The following ANKS1B variants were observed in gnomAD, a reference collection of about 807,000 sequenced individuals.
ANKS1B encodes the protein ankyrin repeat and sterile alpha motif domain containing 1B.
Under a neutral mutation model 148.3 loss-of-function variants are expected in ANKS1B, and 36 were observed. The ratio of observed to expected loss-of-function variants is 0.24; its 90% CI spans 0.19 to 0.32. ANKS1B has a LOEUF of 0.32. ANKS1B is among the 10% of genes least tolerant of loss of function. The pLI is 1.00. For missense variants in ANKS1B, 1,157 were observed against 1,542.6 expected (o/e 0.75, Z 4.19); for synonymous variants, 542 against 560.8 (o/e 0.97, Z 0.47).
chr12:99,334,322 A>AT (rs2088305323), intron 12 of ANKS1B, among the ~76,000 whole-genome samples: 1 of 152,082 alleles, frequency 6.6e-6, no homozygotes, highest in African/African-American at 2.4e-5. Flanking sequence ...CTCGAGAATG[A>AT]TTAGAAACAT....
chr12:98,997,007 T>C (rs2099930090), intron 17 of ANKS1B, among the ~76,000 whole-genome samples: 1 of 152,008 alleles, frequency 6.6e-6, no homozygotes, highest in Non-Finnish European at 1.5e-5. Context: ...AGATTATAGA[T>C]TTACTGATTG....
At chr12:98,769,665 T>C (rs1234828599) in intron 25 of ANKS1B, among the ~76,000 whole-genome samples, 1 of 152,180 alleles carries the variant, frequency 6.6e-6, no homozygotes, top group South Asian at 2.1e-4. Flanking sequence ...CACACACGTA[T>C]AGCTAATAAA....
At chr12:99,892,847 G>T (rs1394376518) in intron 1 of ANKS1B, among the ~76,000 whole-genome samples, 1 of 152,180 alleles carries the variant, frequency 6.6e-6, no homozygotes, top group Admixed American at 6.5e-5. Context: ...ATAAGTAAAA[G>T]TCTACAGATT....
At chr12:99,826,888 T>G (rs1171380565) in intron 1 of ANKS1B, among the ~76,000 whole-genome samples, 7 of 145,746 alleles carry the variant, frequency 4.8e-5, no homozygotes, top group Admixed American at 2.1e-4. Context: ...AGGAGGGAGG[T>G]TCACTTAAGC....
intron 15 of ANKS1B, among the ~76,000 whole-genome samples, chr12:99,134,832 G>T (rs940750362): frequency 1.3e-4 from 20 of 151,768 alleles, no homozygotes; most frequent in African/African-American, 4.8e-4. Flanking sequence ...ATCATTATAG[G>T]GACATTCTGC....
At position 99,621,459 on chromosome 12, in the gene ANKS1B, T is replaced by A. The variant is rs144897685; in HGVS notation, c.1272+33608A>T. Among the ~76,000 whole-genome samples the A allele has an allele frequency of 3.9e-3, 511 of 131,686 alleles. 3 individuals carry two copies. Among genetic ancestry groups the A allele is most frequent in the African/African-American group, 0.014 (489 of 33,942 alleles). The allele number at this position is 131,686 out of a possible 152,430, so 86.4% of individuals were successfully genotyped here. ...CACTTAAAATCACAGAGAGGCAAAT[T>A]GGAAAAAAAAAAAAAAAACAAGACC... On this transcript the variant is annotated intron_variant, in intron 9 of 26. Coordinates refer to ENST00000683438, the MANE Select transcript of ANKS1B (RefSeq NM_001352186.2).
intron 17 of ANKS1B, among the ~76,000 whole-genome samples, chr12:99,006,136 T>C (rs1228936742): frequency 6.6e-6 from 1 of 152,216 alleles, no homozygotes; most frequent in Non-Finnish European, 1.5e-5. Flanking sequence ...TCAGATAGGC[T>C]GCATGGGGCT....
At chr12:99,768,779 T>C (rs901295070) in intron 8 of ANKS1B, among the ~76,000 whole-genome samples, 1 of 148,700 alleles carries the variant, frequency 6.7e-6, no homozygotes, top group South Asian at 2.1e-4. Flanking sequence ...TGAGCCGAGA[T>C]TGTACCACTG....
At chr12:99,438,285 C>A (rs796675318) in intron 11 of ANKS1B, among the ~76,000 whole-genome samples, 1 of 151,804 alleles carries the variant, frequency 6.6e-6, no homozygotes, top group South Asian at 2.1e-4. Flanking sequence ...TAATTATCCT[C>A]CTTTAGTGTA....
At chr12:99,188,139 A>ATATACTTTTT (rs2080128268) in intron 14 of ANKS1B, among the ~76,000 whole-genome samples, 1 of 152,238 alleles carries the variant, frequency 6.6e-6, no homozygotes, top group Non-Finnish European at 1.5e-5. Context: ...CAACAAAAAG[A>ATATACTTTTT]GCTAACTATT....
At chr12:99,762,373 C>T (rs2153609278) in intron 8 of ANKS1B, among the ~76,000 whole-genome samples, 1 of 151,636 alleles carries the variant, frequency 6.6e-6, no homozygotes, top group East Asian at 2.1e-4. Context: ...GAATAGAGAA[C>T]TCAGAAATAA....
chr12:99,327,075 T>G (rs1463944022), intron 12 of ANKS1B, among the ~76,000 whole-genome samples: 1 of 132,704 alleles, frequency 7.5e-6, no homozygotes, highest in Admixed American at 8.7e-5. Context: ...ATATATAATA[T>G]ATTAATGTTA....
chr12:99,138,209 G>C (rs1411832309), intron 15 of ANKS1B, among the ~76,000 whole-genome samples: 1 of 152,176 alleles, frequency 6.6e-6, no homozygotes, highest in East Asian at 1.9e-4. Context: ...TTTCTTGGCA[G>C]TGGTCATTAT....
At chr12:98,978,174 T>C (rs2099900926) in intron 17 of ANKS1B, among the ~76,000 whole-genome samples, 1 of 152,202 alleles carries the variant, frequency 6.6e-6, no homozygotes, top group South Asian at 2.1e-4. Flanking sequence ...GTTGATATGG[T>C]TGAATTTATG....
intron 9 of ANKS1B, among the ~76,000 whole-genome samples, chr12:99,628,033 A>T (rs1037850310): frequency 1.3e-5 from 2 of 152,144 alleles, no homozygotes; most frequent in African/African-American, 4.8e-5. Context: ...TCGTTGTATC[A>T]GCATCACTGA....
chr12:99,856,796 C>T (rs1291417126), intron 1 of ANKS1B, among the ~76,000 whole-genome samples: 1 of 152,122 alleles, frequency 6.6e-6, no homozygotes, highest in Non-Finnish European at 1.5e-5. Context: ...ATGATCATCT[C>T]AATAGACACA....
At chr12:99,048,119 A>G (rs1598971423) in intron 17 of ANKS1B, among the ~76,000 whole-genome samples, 1 of 152,320 alleles carries the variant, frequency 6.6e-6, no homozygotes, top group Non-Finnish European at 1.5e-5. Context: ...GGCTCTGAAG[A>G]TCCAGGCCAT....
At chr12:98,991,999 A>G (rs2099926858) in intron 17 of ANKS1B, among the ~76,000 whole-genome samples, 2 of 152,198 alleles carry the variant, frequency 1.3e-5, no homozygotes, top group African/African-American at 4.8e-5. Context: ...AGGAAGTGAC[A>G]GATGGATGGC....
chr12:98,911,162 C>T (rs1403902782), intron 17 of ANKS1B, among the ~76,000 whole-genome samples: 1 of 151,980 alleles, frequency 6.6e-6, no homozygotes, highest in South Asian at 2.1e-4. Context: ...AAGATCCTAA[C>T]CAAAGTTTCC....
Sources: gnomAD v4.1 joint callset for allele counts (sites outside exome capture counted in the v4.1 genomes callset) on GRCh38, gnomAD v4.1.1 for gene constraint, MANE v1.5 for transcripts, NCBI Gene and HGNC (gene_info 2026-07-23, HGNC 2026-07-21) for gene names.